SEC11A: variants seen among roughly 807,000 people sequenced by gnomAD.
SEC11A encodes signal peptidase complex catalytic subunit SEC11A.
SEC11A carries 14 observed loss-of-function variants against 25.6 expected under a neutral mutation model. That is an observed-to-expected ratio of 0.55 (90% CI 0.36 to 0.85). SEC11A has a LOEUF of 0.85. Ranked by LOEUF, SEC11A falls within the 40% of genes least tolerant of loss-of-function variation. The pLI, the probability that SEC11A is intolerant of heterozygous loss-of-function variation, is 0.01. For missense variants in SEC11A, 153 were observed against 222.9 expected (o/e 0.69, Z 2.00); for synonymous variants, 83 against 76.4 (o/e 1.09, Z -0.45).
At chr15:84,699,583 G>A (rs1295844328) in intron 1 of SEC11A, among the ~76,000 whole-genome samples, 1 of 152,056 alleles carries the variant, frequency 6.6e-6, no homozygotes, top group Non-Finnish European at 1.5e-5. Context: ...CAGGGCAAAG[G>A]AGAAATGCAG....
At chr15:84,687,584 C>G in intron 3 of SEC11A, 41 bp downstream of exon 3, 1 of 1,494,792 alleles carries the variant, frequency 6.7e-7, no homozygotes, top group Non-Finnish European at 8.9e-7. Context: ...AACACTTAAA[C>G]AAAAGCACTT....
intron 3 of SEC11A, among the ~76,000 whole-genome samples, chr15:84,684,710 T>A (rs1321770095): frequency 6.6e-6 from 1 of 152,062 alleles, no homozygotes; most frequent in African/African-American, 2.4e-5. Context: ...GGTGGGTGAA[T>A]CATTTGAGGT....
chr15:84,672,687 C>T (rs1200628775), intron 4 of SEC11A: 13 of 190,432 alleles, frequency 6.8e-5, no homozygotes, highest in Non-Finnish European at 1.4e-4. Context: ...GGCCGCCACC[C>T]CGTCTGGGAA....
chr15:84,701,729 A>T (rs1317882250), intron 1 of SEC11A, among the ~76,000 whole-genome samples: 2 of 152,170 alleles, frequency 1.3e-5, no homozygotes, highest in Non-Finnish European at 2.9e-5. Context: ...TCAAAAGAAA[A>T]TTGAAGAAAA....
intron 1 of SEC11A, 151 bp downstream of exon 1, chr15:84,715,874 C>T: frequency 2.8e-6 from 2 of 721,720 alleles, no homozygotes; most frequent in Non-Finnish European, 4.8e-6. Context: ...GACAAGGCGG[C>T]CTCTGGCCAC....
intron 1 of SEC11A, among the ~76,000 whole-genome samples, chr15:84,695,062 C>T (rs1217668995): frequency 1.6e-5 from 2 of 123,276 alleles, no homozygotes; most frequent in African/African-American, 6.5e-5. Flanking sequence ...TGCATTCCAG[C>T]CTGGGCGACA....
In SEC11A at chr15:84,699,848, T is replaced by C. The variant is rs532542145; in HGVS notation, c.52-8204A>G. Among the ~76,000 whole-genome samples the C allele has an allele frequency of 4.6e-5, 7 of 152,048 alleles. No individual in the cohort carries two copies. The East Asian group carries it at 1.2e-3, about 25-fold the overall frequency. ...GCAAAAGCAATGATCAGTGCATGCA[T>C]GTGAGGGGACTCCTGAGGATGGAAA... On this transcript the variant is annotated intron_variant, in intron 1 of 5. Coordinates refer to ENST00000268220, the MANE Select transcript of SEC11A (RefSeq NM_014300.4).
At chr15:84,705,752 G>C (rs1031029378) in intron 1 of SEC11A, among the ~76,000 whole-genome samples, 1 of 151,534 alleles carries the variant, frequency 6.6e-6, no homozygotes, top group African/African-American at 2.4e-5. Flanking sequence ...CTACTCAGGA[G>C]ACTGAGGCAG....
At chr15:84,686,731 C>T (rs1031610101) in intron 3 of SEC11A, 2 of 152,546 alleles carry the variant, frequency 1.3e-5, no homozygotes, top group African/African-American at 4.8e-5. Context: ...CAGGGTCTCA[C>T]TCGGTCGCCC....
chr15:84,709,194 A>T (rs1898187984), intron 1 of SEC11A, among the ~76,000 whole-genome samples: 1 of 151,658 alleles, frequency 6.6e-6, no homozygotes. Flanking sequence ...GTGAGTAAAT[A>T]TCTTTTTTTT....
chr15:84,697,149 C>T (rs1019914958), intron 1 of SEC11A, among the ~76,000 whole-genome samples: 1 of 151,734 alleles, frequency 6.6e-6, no homozygotes, highest in Non-Finnish European at 1.5e-5. Context: ...GTAGTCCCAA[C>T]TACTTAAGAA....
chr15:84,672,814 A>G (rs1335529993), intron 4 of SEC11A: 5 of 209,012 alleles, frequency 2.4e-5, no homozygotes, highest in Admixed American at 1.2e-4. Flanking sequence ...CATCTAGGAA[A>G]TGAGGAGCGT....
intron 3 of SEC11A, among the ~76,000 whole-genome samples, chr15:84,682,084 G>A (rs1897295642): frequency 6.6e-6 from 1 of 151,978 alleles, no homozygotes; most frequent in African/African-American, 2.4e-5. Flanking sequence ...ATAACAGGAA[G>A]GGGAAGAGGT....
chr15:84,678,218 T>C (rs1394522655), intron 4 of SEC11A, among the ~76,000 whole-genome samples: 1 of 150,500 alleles, frequency 6.6e-6, no homozygotes, highest in Non-Finnish European at 1.5e-5. Flanking sequence ...AGCAAGACTC[T>C]GCCTCAAAAA....
intron 1 of SEC11A, among the ~76,000 whole-genome samples, chr15:84,708,890 A>G (rs1898179856): frequency 1.3e-5 from 2 of 152,192 alleles, no homozygotes; most frequent in Admixed American, 1.3e-4. Flanking sequence ...ATAGGAAGAT[A>G]TAAAAAGAAT....
chr15:84,673,191 C>T (rs1482839540), intron 4 of SEC11A: 7 of 179,842 alleles, frequency 3.9e-5, no homozygotes, highest in South Asian at 2.0e-4. Flanking sequence ...CGCCTCTGCC[C>T]GGCCGCCCCT....
intron 3 of SEC11A, among the ~76,000 whole-genome samples, 174 bp downstream of exon 3, chr15:84,687,451 T>G (rs1440924787): frequency 6.6e-6 from 1 of 152,170 alleles, no homozygotes; most frequent in Non-Finnish European, 1.5e-5. Flanking sequence ...AACTAATAAA[T>G]AATTATTTAC....
At chr15:84,694,046 C>A (rs1897687230) in intron 1 of SEC11A, among the ~76,000 whole-genome samples, 1 of 151,802 alleles carries the variant, frequency 6.6e-6, no homozygotes. Flanking sequence ...TGAAAAATTC[C>A]AAAAAATGCA....
At chr15:84,703,379 A>G (rs904390659) in intron 1 of SEC11A, among the ~76,000 whole-genome samples, 2 of 152,196 alleles carry the variant, frequency 1.3e-5, no homozygotes, top group African/African-American at 2.4e-5. Flanking sequence ...ACACAAGTAA[A>G]TATGAGCAAG....
Sources: gnomAD v4.1 joint callset for allele counts (sites outside exome capture counted in the v4.1 genomes callset) on GRCh38, gnomAD v4.1.1 for gene constraint, MANE v1.5 for transcripts, NCBI Gene and HGNC (gene_info 2026-07-23, HGNC 2026-07-21) for gene names.